LGR6: variants seen among roughly 807,000 people sequenced by gnomAD.
LGR6 encodes leucine-rich repeat-containing G protein-coupled receptor 6.
A neutral mutation model predicts 69.4 loss-of-function variants in LGR6; 45 were observed. The ratio of observed to expected loss-of-function variants is 0.65; its 90% confidence interval spans 0.51 to 0.83. The LOEUF (loss-of-function observed/expected upper bound fraction) is 0.83, where lower values mean the gene tolerates loss of function less well. Among genes scored for constraint, LGR6 ranks in the 40% least tolerant of loss-of-function variants. LGR6 has a pLI of 0.00. For synonymous variants in LGR6, 538 were observed against 555.0 expected (o/e 0.97, Z 0.43); for missense variants, 1,108 against 1,246.7 (o/e 0.89, Z 1.68).
intron 1 of LGR6, among the ~76,000 whole-genome samples, chr1:202,225,176 C>T (rs1337942025): frequency 6.6e-6 from 1 of 152,178 alleles, no homozygotes; most frequent in Non-Finnish European, 1.5e-5. Context: ...AGGTGAAAGG[C>T]AGAGGGGAAA....
At chr1:202,233,772 T>C (rs1661291909) in intron 3 of LGR6, among the ~76,000 whole-genome samples, 1 of 152,248 alleles carries the variant, frequency 6.6e-6, no homozygotes, top group Non-Finnish European at 1.5e-5. Flanking sequence ...TTGTCCTCTG[T>C]GTGAGACACT....
chr1:202,241,262 A>G (rs576682735), intron 4 of LGR6, among the ~76,000 whole-genome samples: 1 of 152,336 alleles, frequency 6.6e-6, no homozygotes, highest in East Asian at 1.9e-4. Flanking sequence ...AGAGCAGACC[A>G]AGCCACTTAG....
intron 4 of LGR6, among the ~76,000 whole-genome samples, chr1:202,269,618 G>A (rs1358017537): frequency 1.3e-5 from 2 of 152,156 alleles, no homozygotes; most frequent in African/African-American, 4.8e-5. Context: ...CAGCCCTGTG[G>A]AGCCTACTTC....
chr1:202,212,499 T>C (rs1659500491), intron 1 of LGR6, among the ~76,000 whole-genome samples: 1 of 152,212 alleles, frequency 6.6e-6, no homozygotes, highest in East Asian at 1.9e-4. Flanking sequence ...AATATCAAGA[T>C]GTCAGCAGGG....
At chr1:202,197,008 C>A in intron 1 of LGR6, 1 of 532,616 alleles carries the variant, frequency 1.9e-6, no homozygotes, top group Non-Finnish European at 3.9e-6. Context: ...AATGTTAAAA[C>A]ACTTGGACAT....
At position 202,252,066 on chromosome 1, in the gene LGR6, A is replaced by G. The variant is rs534614063; in HGVS notation, c.428+16073A>G. Among the ~76,000 whole-genome samples, 139 of 152,178 alleles carry G rather than the reference A, an allele frequency of 9.1e-4. 1 individual carries two copies. The highest frequency in any genetic ancestry group is 3.2e-3 in the African/African-American group (134 of 41,504). Reference sequence around the variant, plus strand: ...CTCCTCCAAGTCATCAAATGACACCACTTACGTCATCTCACTCCTCTGATC... The same window carrying G: ...CTCCTCCAAGTCATCAAATGACACCGCTTACGTCATCTCACTCCTCTGATC... On this transcript the variant is annotated intron_variant, in intron 4 of 17. Coordinates refer to ENST00000367278, the MANE Select transcript of LGR6 (RefSeq NM_001017403.2).
intron 16 of LGR6, among the ~76,000 whole-genome samples, chr1:202,314,513 TG>T (rs1653989553): frequency 6.6e-6 from 1 of 152,144 alleles, no homozygotes; most frequent in South Asian, 2.1e-4. Flanking sequence ...AAGCAGCACT[TG>T]TGGGTAAGGC....
chr1:202,251,957 A>T (rs148648692), intron 4 of LGR6, among the ~76,000 whole-genome samples: 2 of 151,964 alleles, frequency 1.3e-5, no homozygotes, highest in Non-Finnish European at 1.5e-5. Flanking sequence ...ATTGGAGGCA[A>T]ACAAATAGTC....
chr1:202,211,540 T>C (rs529914602), intron 1 of LGR6, among the ~76,000 whole-genome samples: 8 of 152,148 alleles, frequency 5.3e-5, no homozygotes, highest in Non-Finnish European at 1.0e-4. Flanking sequence ...TTTTATATTT[T>C]TGTAGAGATG....
At chr1:202,249,893 A>G (rs192338222) in intron 4 of LGR6, among the ~76,000 whole-genome samples, 13 of 152,306 alleles carry the variant, frequency 8.5e-5, no homozygotes, top group Admixed American at 8.5e-4. Context: ...TTGCAGCCAG[A>G]TGGATCTTAA....
chr1:202,246,461 A>C (rs1662712582), intron 4 of LGR6, among the ~76,000 whole-genome samples: 1 of 118,052 alleles, frequency 8.5e-6, no homozygotes. Flanking sequence ...CCATCCCCCC[A>C]TCTGTCTGTC....
chr1:202,215,139 ACT>A (rs915013337), intron 1 of LGR6, among the ~76,000 whole-genome samples: 6 of 147,080 alleles, frequency 4.1e-5, no homozygotes, highest in Non-Finnish European at 7.5e-5. Flanking sequence ...TGAGGGTGGG[ACT>A]CTGAATAGAG....
In LGR6 at chr1:202,306,957, G is replaced by A. The variant is rs1306242407; in HGVS notation, c.1208+18G>A. 1.2e-6 allele frequency: 2 copies of A among 1,608,424 alleles called. No individual in the cohort carries two copies. Among genetic ancestry groups the A allele is most frequent in the Non-Finnish European group, 1.7e-6 (2 of 1,174,942 alleles). On this transcript the variant is annotated intron_variant, in intron 13 of 17. Transcript: ENST00000367278. ...CAAGCCCTGTGAGTACCCACATCCA[G>A]GGGTGGGCCATGGAGGAGCCACCGT...
chr1:202,234,184 C>A (rs1477354712), intron 3 of LGR6, among the ~76,000 whole-genome samples: 1 of 152,236 alleles, frequency 6.6e-6, no homozygotes, highest in Non-Finnish European at 1.5e-5. Context: ...TGGGCTCTGC[C>A]CCTTCCTGCA....
intron 1 of LGR6, among the ~76,000 whole-genome samples, chr1:202,215,902 A>G (rs1571823931): frequency 6.6e-6 from 1 of 151,574 alleles, no homozygotes; most frequent in East Asian, 1.9e-4. Flanking sequence ...TTGTGACTGA[A>G]CCTGCAGAGA....
At chr1:202,284,482 C>T (rs1666252395) in intron 6 of LGR6, among the ~76,000 whole-genome samples, 1 of 152,184 alleles carries the variant, frequency 6.6e-6, no homozygotes, top group Admixed American at 6.5e-5. Context: ...AGAAACCATA[C>T]CTCTTGCTTT....
chr1:202,209,773 G>T (rs1283684121), intron 1 of LGR6, among the ~76,000 whole-genome samples: 1 of 152,212 alleles, frequency 6.6e-6, no homozygotes, highest in African/African-American at 2.4e-5. Flanking sequence ...GAATGCAGAA[G>T]CTCAGGCCTC....
At position 202,206,893 on chromosome 1, in the gene LGR6, A is replaced by T. The variant is rs548800663; in HGVS notation, c.212+12692A>T. ...TGCACTGGGTGCTGCAAATTATTTT[A>T]TTTATTTATTTATTTATTTATTTAT... On this transcript the variant is annotated intron_variant, in intron 1 of 17. Coordinates refer to ENST00000367278, the MANE Select transcript of LGR6 (RefSeq NM_001017403.2). Among the ~76,000 whole-genome samples, 36 of 6,070 alleles carry T rather than the reference A, an allele frequency of 5.9e-3. No individual in the cohort carries two copies. In the East Asian group the frequency reaches 0.13, roughly 22 times the overall value. The allele number at this position is 6,070 out of a possible 152,430, so 4.0% of individuals were successfully genotyped here.
chr1:202,225,604 G>A, intron 2 of LGR6, 110 bp downstream of exon 2: 1 of 915,658 alleles, frequency 1.1e-6, no homozygotes, highest in Non-Finnish European at 1.7e-6. Context: ...GGCTTGGGAA[G>A]CTAAGACAGT....
Sources: gnomAD v4.1 joint callset for allele counts (sites outside exome capture counted in the v4.1 genomes callset) on GRCh38, gnomAD v4.1.1 for gene constraint, MANE v1.5 for transcripts, NCBI Gene and HGNC (gene_info 2026-07-23, HGNC 2026-07-21) for gene names.